The following DSCAM variants were observed in gnomAD, a reference collection of about 807,000 sequenced individuals.
DSCAM encodes DS cell adhesion molecule, also known as cell adhesion molecule DSCAM.
DSCAM carries 47 observed loss-of-function variants against 217.7 expected under a neutral mutation model. The ratio of observed to expected loss-of-function variants is 0.22; its 90% confidence interval spans 0.17 to 0.28. The LOEUF (loss-of-function observed/expected upper bound fraction) is 0.28. Among genes scored for constraint, DSCAM ranks in the 10% least tolerant of loss-of-function variants. The pLI, the probability that DSCAM is intolerant of heterozygous loss-of-function variation, is 1.00. For synonymous variants in DSCAM, 1,056 were observed against 1,015.3 expected (o/e 1.04, Z -0.76); for missense variants, 2,080 against 2,618.3 (o/e 0.79, Z 4.49).
intron 3 of DSCAM, among the ~76,000 whole-genome samples, chr21:40,619,417 T>C (rs73216202): frequency 6.6e-6 from 1 of 152,182 alleles, no homozygotes; most frequent in African/African-American, 2.4e-5. Flanking sequence ...AAGATTAATA[T>C]GTTGGGGTAA....
chr21:40,393,704 A>G (rs2075154298), intron 3 of DSCAM, among the ~76,000 whole-genome samples: 1 of 152,132 alleles, frequency 6.6e-6, no homozygotes, highest in African/African-American at 2.4e-5. Context: ...TTTTCTACAT[A>G]TATATAGTAT....
At chr21:40,603,674 C>CA (rs2077079531) in intron 3 of DSCAM, among the ~76,000 whole-genome samples, 1 of 151,972 alleles carries the variant, frequency 6.6e-6, no homozygotes, top group African/African-American at 2.4e-5. Flanking sequence ...TTTGAAGAAA[C>CA]ATTATGTAGA....
At chr21:40,365,942 CT>C (rs147039472) in intron 4 of DSCAM, among the ~76,000 whole-genome samples, 7 of 151,324 alleles carry the variant, frequency 4.6e-5, no homozygotes, top group Non-Finnish European at 8.8e-5. Flanking sequence ...ATTTTACTGA[CT>C]TTTTTTTTAA....
At chr21:40,649,624 T>A (rs538797557) in intron 3 of DSCAM, among the ~76,000 whole-genome samples, 1 of 146,024 alleles carries the variant, frequency 6.8e-6, no homozygotes, top group Non-Finnish European at 1.5e-5. Flanking sequence ...CAAACAATAA[T>A]ATGCAGGGGT....
intron 3 of DSCAM, among the ~76,000 whole-genome samples, chr21:40,605,342 T>A (rs970262455): frequency 5.3e-5 from 8 of 152,178 alleles, no homozygotes; most frequent in Admixed American, 2.6e-4. Context: ...AATCCTCTGA[T>A]GAATCCAGAA....
At chr21:40,079,579 C>A (rs1601308763) in intron 25 of DSCAM, among the ~76,000 whole-genome samples, 1 of 152,188 alleles carries the variant, frequency 6.6e-6, no homozygotes, top group Non-Finnish European at 1.5e-5. Context: ...GGGAAGCCTG[C>A]AAAGACATCT....
At chr21:40,076,889 C>A (rs1414587802) in intron 26 of DSCAM, among the ~76,000 whole-genome samples, 2 of 152,192 alleles carry the variant, frequency 1.3e-5, no homozygotes, top group Admixed American at 1.3e-4. Flanking sequence ...TGCTGGTTAA[C>A]AGAGGATTTT....
intron 11 of DSCAM, among the ~76,000 whole-genome samples, chr21:40,249,493 A>G (rs980592073): frequency 4.6e-5 from 7 of 152,068 alleles, no homozygotes; most frequent in African/African-American, 9.7e-5. Context: ...GTCCAACTAA[A>G]CTTTTTTTCT....
intron 5 of DSCAM, among the ~76,000 whole-genome samples, chr21:40,348,651 T>TC (rs1468666054): frequency 6.6e-6 from 1 of 152,242 alleles, no homozygotes; most frequent in African/African-American, 2.4e-5. Context: ...ACAGTTCCTA[T>TC]CAGCCACATT....
intron 16 of DSCAM, among the ~76,000 whole-genome samples, chr21:40,154,610 A>G (rs953716393): frequency 2.6e-5 from 4 of 152,156 alleles, no homozygotes; most frequent in African/African-American, 9.7e-5. Flanking sequence ...TATTAAATAC[A>G]GTATCTGTGT....
chr21:40,066,549 ATCT>A (rs1166559574), intron 27 of DSCAM, among the ~76,000 whole-genome samples: 6 of 152,214 alleles, frequency 3.9e-5, no homozygotes, highest in Non-Finnish European at 7.3e-5. Context: ...GTAATTCTTG[ATCT>A]TCTAGCACAC....
At chr21:40,437,723 C>T (rs1227248739) in intron 3 of DSCAM, among the ~76,000 whole-genome samples, 1 of 152,060 alleles carries the variant, frequency 6.6e-6, no homozygotes, top group African/African-American at 2.4e-5. Flanking sequence ...TGGTGGTGGG[C>T]ACCTGTAATC....
chr21:40,789,749 G>T (rs893128739), intron 1 of DSCAM, among the ~76,000 whole-genome samples: 9 of 152,066 alleles, frequency 5.9e-5, no homozygotes, highest in African/African-American at 1.9e-4. Flanking sequence ...TAGAGACGGG[G>T]TTTCACCGTG....
intron 3 of DSCAM, among the ~76,000 whole-genome samples, chr21:40,677,502 A>G (rs1220416038): frequency 6.6e-6 from 1 of 152,180 alleles, no homozygotes; most frequent in African/African-American, 2.4e-5. Flanking sequence ...CTGAAGATCC[A>G]CTGCCCCATA....
chr21:40,676,383 A>G (rs1385473287), intron 3 of DSCAM, among the ~76,000 whole-genome samples: 2 of 152,170 alleles, frequency 1.3e-5, no homozygotes, highest in East Asian at 1.9e-4. Context: ...TGCATCTGAA[A>G]TGGACTTCAG....
At chr21:40,333,849 C>G (rs139267079) in intron 8 of DSCAM, among the ~76,000 whole-genome samples, 28 of 152,252 alleles carry the variant, frequency 1.8e-4, no homozygotes, top group Non-Finnish European at 3.4e-4. Context: ...CACATCACAC[C>G]TAGGCCTCCC....
At chr21:40,099,412 C>T (rs2089722448) in intron 20 of DSCAM, among the ~76,000 whole-genome samples, 2 of 152,074 alleles carry the variant, frequency 1.3e-5, no homozygotes, top group African/African-American at 2.4e-5. Flanking sequence ...AAAATAATAA[C>T]GTCAAGCTGT....
intron 3 of DSCAM, among the ~76,000 whole-genome samples, chr21:40,534,711 A>T (rs1275792963): frequency 1.3e-5 from 2 of 152,222 alleles, no homozygotes; most frequent in East Asian, 3.9e-4. Context: ...ATATAGAGTG[A>T]TATATTTTTA....
At chr21:40,362,523 G>A (rs570670006) in intron 4 of DSCAM, among the ~76,000 whole-genome samples, 6 of 152,092 alleles carry the variant, frequency 3.9e-5, no homozygotes, top group Non-Finnish European at 4.4e-5. Flanking sequence ...TGTTCAGTGA[G>A]GTCAGATGTT....
Sources: allele counts gnomAD v4.1 joint callset (sites outside exome capture counted in the v4.1 genomes callset), GRCh38; gene constraint gnomAD v4.1.1; transcripts MANE v1.5; gene names NCBI Gene and HGNC (gene_info 2026-07-23, HGNC 2026-07-21).